Variants in SVOPL observed in about 807,000 individuals in gnomAD.
The protein encoded by SVOPL is SVOP like.
Under a neutral mutation model 61.0 loss-of-function variants are expected in SVOPL, and 60 were observed. The ratio of observed to expected loss-of-function variants is 0.98; its 90% confidence interval spans 0.80 to 1.22. The LOEUF is 1.22. Ranked by LOEUF, SVOPL falls within the 50% of genes most tolerant of loss-of-function variation. SVOPL has a pLI of 0.00. For synonymous variants in SVOPL, 279 were observed against 250.0 expected (o/e 1.12, Z -1.09); for missense variants, 662 against 643.9 (o/e 1.03, Z -0.30).
intron 9 of SVOPL, among the ~76,000 whole-genome samples, chr7:138,639,473 G>C (rs922601539): frequency 2.7e-5 from 4 of 150,692 alleles, no homozygotes; most frequent in African/African-American, 9.8e-5. Flanking sequence ...TTAAAAAAAC[G>C]AAAGTTATTT....
intron 13 of SVOPL, among the ~76,000 whole-genome samples, chr7:138,621,962 G>C (rs6966475): frequency 0.018 from 39 of 2,118 alleles, no homozygotes; most frequent in Non-Finnish European, 0.029. Context: ...ATCTATCTAT[G>C]TATCTATCTA....
chr7:138,696,849 T>C (rs1026958171), intron 1 of SVOPL, among the ~76,000 whole-genome samples: 1 of 152,142 alleles, frequency 6.6e-6, no homozygotes, highest in Non-Finnish European at 1.5e-5. Flanking sequence ...GACTTACAGA[T>C]GTGAGCCACC....
chr7:138,607,708 TTAGC>T (rs1384237674), intron 14 of SVOPL, among the ~76,000 whole-genome samples: 2 of 151,966 alleles, frequency 1.3e-5, no homozygotes, highest in Non-Finnish European at 2.9e-5. Flanking sequence ...TTTAAGGAGG[TTAGC>T]TGGAAAGAGG....
intron 1 of SVOPL, among the ~76,000 whole-genome samples, chr7:138,692,174 C>A (rs1435835431): frequency 6.6e-6 from 1 of 152,002 alleles, no homozygotes; most frequent in African/African-American, 2.4e-5. Flanking sequence ...GAAACTCCAT[C>A]TCAAAAAAGA....
chr7:138,629,237 A>ACTT (rs1800052789), intron 10 of SVOPL, among the ~76,000 whole-genome samples: 6 of 140,136 alleles, frequency 4.3e-5, no homozygotes, highest in African/African-American at 1.6e-4. Flanking sequence ...GCTCTTCATG[A>ACTT]TTTTTTTTTT....
chr7:138,622,754 G>A (rs1023609310), intron 13 of SVOPL, among the ~76,000 whole-genome samples: 61 of 152,288 alleles, frequency 4.0e-4, no homozygotes, highest in African/African-American at 1.5e-3. Flanking sequence ...GAGCCACCAT[G>A]CCCAGCCATA....
intron 3 of SVOPL, among the ~76,000 whole-genome samples, chr7:138,675,737 G>A (rs563682521): frequency 2.6e-5 from 4 of 152,058 alleles, no homozygotes; most frequent in Non-Finnish European, 2.9e-5. Context: ...TCCCTCCTAT[G>A]TATTTTTACC....
At chr7:138,652,002 T>A (rs149611213) in intron 7 of SVOPL, among the ~76,000 whole-genome samples, 8 of 152,098 alleles carry the variant, frequency 5.3e-5, no homozygotes, top group Non-Finnish European at 1.0e-4. Context: ...CAGGCTCAAG[T>A]GATCCTCCCA....
chr7:138,664,932 C>T lies in SVOPL; in HGVS notation c.274-1787G>A, dbSNP rs866441780. ...AGCCCCGCGCTCGACCCTTCCTTAC[C>T]CCCACGCCCACCCTCGACCCTTCCC... On this transcript the variant is annotated intron_variant, in intron 4 of 15. Coordinates refer to ENST00000674285, the MANE Select transcript of SVOPL (RefSeq NM_001139456.2). Among the ~76,000 whole-genome samples the T allele has an allele frequency of 7.2e-3, 508 of 70,492 alleles. 4 individuals carry two copies. The highest frequency in any genetic ancestry group is 0.029 in the South Asian group (47 of 1,608). The allele number at this position is 70,492 out of a possible 152,430, so 46.2% of individuals were successfully genotyped here. A position where few individuals can be genotyped will look rare whatever the true frequency, so the allele number is the denominator to read the frequency against.
intron 9 of SVOPL, among the ~76,000 whole-genome samples, chr7:138,639,588 A>G (rs1188280762): frequency 1.3e-5 from 2 of 151,224 alleles, no homozygotes; most frequent in Non-Finnish European, 1.5e-5. Context: ...CCTCTGCACT[A>G]CAGCCTGGGC....
At chr7:138,671,128 G>A (rs565206105) in intron 4 of SVOPL, among the ~76,000 whole-genome samples, 1 of 152,032 alleles carries the variant, frequency 6.6e-6, no homozygotes, top group Non-Finnish European at 1.5e-5. Context: ...CAATGTTGGG[G>A]AGCAGTGGCT....
chr7:138,651,698 T>C (rs1281988055), intron 7 of SVOPL, among the ~76,000 whole-genome samples: 3 of 152,276 alleles, frequency 2.0e-5, no homozygotes, highest in Admixed American at 6.5e-5. Flanking sequence ...TTTTCATTGT[T>C]TGGGGGCACC....
chr7:138,601,812 C>T (rs2116757478), intron 14 of SVOPL, among the ~76,000 whole-genome samples: 1 of 152,202 alleles, frequency 6.6e-6, no homozygotes, highest in East Asian at 1.9e-4. Context: ...CTCCTGAGTC[C>T]CTGCCTTACT....
chr7:138,689,444 GA>G lies in SVOPL; in HGVS notation c.-34-10366del, dbSNP rs1471003610. ...AGATGATCCTTACTGAAAAGGAACA[GA>G]TTGTTCCTAAACCAGAAGACAAGGT... On this transcript the variant is annotated intron_variant, in intron 1 of 15. Coordinates refer to ENST00000674285, the MANE Select transcript of SVOPL (RefSeq NM_001139456.2). The G allele has an allele frequency of 1.6e-5, 18 of 1,132,646 alleles. No homozygotes were observed. In the African/African-American group the frequency reaches 2.1e-4, roughly 13 times the overall value. The allele number at this position is 1,132,646 out of a possible 1,614,324, so 70.2% of individuals were successfully genotyped here. A position where few individuals can be genotyped will look rare whatever the true frequency, so the allele number is the denominator to read the frequency against.
intron 9 of SVOPL, among the ~76,000 whole-genome samples, chr7:138,631,377 A>T (rs1800181581): frequency 6.6e-6 from 1 of 152,160 alleles, no homozygotes; most frequent in Admixed American, 6.5e-5. Flanking sequence ...AAAATGTATG[A>T]GTAAGTTATT....
intron 1 of SVOPL, chr7:138,689,182 G>C: frequency 9.1e-7 from 1 of 1,094,104 alleles, no homozygotes. Flanking sequence ...GGTGGAGTGG[G>C]CAGGTGTGCC....
chr7:138,669,282 A>T (rs971405657), intron 4 of SVOPL, among the ~76,000 whole-genome samples: 2 of 152,052 alleles, frequency 1.3e-5, no homozygotes, highest in African/African-American at 4.8e-5. Context: ...AGGTGTGGTG[A>T]CCCACATCCT....
Position 138,662,094 on chromosome 7 carries a change from T to TA in SVOPL, c.345+979dup, listed in dbSNP as rs1343305139. 3.0e-6 allele frequency: 3 copies of TA among 985,354 alleles called. No individual in the cohort carries two copies. The African/African-American group carries it at 5.2e-5, about 17-fold the overall frequency. The allele number at this position is 985,354 out of a possible 1,614,324, so 61.0% of individuals were successfully genotyped here. On this transcript the variant is annotated intron_variant, in intron 5 of 15. Transcript: ENST00000674285. Reference sequence around the variant, plus strand: ...AGGTCTACAGTTTGGGTGGCTTCTTTATAAACTCTCTCATTTAAGAGCATG... The same window carrying TA: ...AGGTCTACAGTTTGGGTGGCTTCTTTAATAAACTCTCTCATTTAAGAGCATG...
chr7:138,677,281 C>T (rs537245603), intron 3 of SVOPL, among the ~76,000 whole-genome samples: 28 of 152,158 alleles, frequency 1.8e-4, no homozygotes, highest in African/African-American at 5.8e-4. Flanking sequence ...AAGACTGCTG[C>T]GTCCAATGAT....
Sources: allele counts gnomAD v4.1 joint callset (sites outside exome capture counted in the v4.1 genomes callset), GRCh38; gene constraint gnomAD v4.1.1; transcripts MANE v1.5; gene names NCBI Gene and HGNC (gene_info 2026-07-23, HGNC 2026-07-21).